PRKCB: variants seen among roughly 807,000 people sequenced by gnomAD.
PRKCB encodes the protein protein kinase C beta, also known as protein kinase C beta type.
In PRKCB, 13 loss-of-function variants were observed where a neutral mutation model predicts 81.5. The ratio of observed to expected loss-of-function variants is 0.16; its 90% confidence interval spans 0.10 to 0.25. The LOEUF is 0.25. Ranked by LOEUF, PRKCB falls within the 10% of genes least tolerant of loss-of-function variation. PRKCB has a pLI of 1.00. For missense variants in PRKCB, 509 were observed against 875.7 expected, an observed-to-expected ratio of 0.58 and a Z score of 5.29; for synonymous variants, 335 against 321.4, an observed-to-expected ratio of 1.04 and a Z score of -0.45.
At chr16:23,995,233 A>T (rs1256743460) in intron 3 of PRKCB, among the ~76,000 whole-genome samples, 2 of 152,134 alleles carry the variant, frequency 1.3e-5, no homozygotes, top group African/African-American at 2.4e-5. Flanking sequence ...TAAGTGTGTT[A>T]TGCTGGCCTA....
At chr16:23,944,478 A>G (rs997174664) in intron 2 of PRKCB, among the ~76,000 whole-genome samples, 2 of 152,144 alleles carry the variant, frequency 1.3e-5, no homozygotes, top group Non-Finnish European at 2.9e-5. Flanking sequence ...ATCAAAGTCA[A>G]ATGTTAGGGC....
chr16:23,940,779 G>T (rs1327794476), intron 2 of PRKCB, among the ~76,000 whole-genome samples: 1 of 152,008 alleles, frequency 6.6e-6, no homozygotes, highest in African/African-American at 2.4e-5. Flanking sequence ...CTATTACAAT[G>T]GTGTTCAGAC....
At chr16:24,211,364 T>C (rs1415567638) in intron 16 of PRKCB, among the ~76,000 whole-genome samples, 1 of 152,200 alleles carries the variant, frequency 6.6e-6, no homozygotes, top group African/African-American at 2.4e-5. Context: ...GGAGCCATGA[T>C]GCGTTGATCA....
chr16:23,976,269 C>T (rs1964623964), intron 2 of PRKCB, among the ~76,000 whole-genome samples: 1 of 152,090 alleles, frequency 6.6e-6, no homozygotes, highest in Admixed American at 6.5e-5. Flanking sequence ...TTGCACTCCA[C>T]CTTGGGTGAC....
intron 2 of PRKCB, among the ~76,000 whole-genome samples, chr16:23,950,011 C>G (rs1964255124): frequency 6.6e-6 from 1 of 152,186 alleles, no homozygotes; most frequent in Non-Finnish European, 1.5e-5. Context: ...CTCCTTCCCT[C>G]TCCTTGCATT....
intron 2 of PRKCB, among the ~76,000 whole-genome samples, chr16:23,853,898 G>T (rs993341327): frequency 6.7e-6 from 1 of 149,994 alleles, no homozygotes; most frequent in African/African-American, 2.4e-5. Flanking sequence ...AAAGGAAAGA[G>T]GTTTAATTGA....
intron 5 of PRKCB, among the ~76,000 whole-genome samples, chr16:24,045,471 C>T (rs1021239473): frequency 6.6e-6 from 1 of 152,204 alleles, no homozygotes; most frequent in East Asian, 1.9e-4. Flanking sequence ...CTTCTCTGTG[C>T]CTCTCGCCTG....
chr16:24,188,036 G>A (rs999000493), intron 15 of PRKCB, among the ~76,000 whole-genome samples: 18 of 152,328 alleles, frequency 1.2e-4, no homozygotes, highest in East Asian at 1.9e-4. Context: ...TCACACGCCC[G>A]CCCTGCCTGG....
intron 7 of PRKCB, among the ~76,000 whole-genome samples, chr16:24,108,975 C>CA (rs771566625): frequency 3.6e-5 from 3 of 83,746 alleles, no homozygotes; most frequent in African/African-American, 2.1e-4. Context: ...GCTGGCCGGG[C>CA]GGGGGACTGA....
At chr16:24,202,965 C>T (rs763216831) in intron 16 of PRKCB, among the ~76,000 whole-genome samples, 7 of 152,062 alleles carry the variant, frequency 4.6e-5, no homozygotes, top group Non-Finnish European at 7.4e-5. Context: ...GCCTGTAATT[C>T]CAGCACTTTG....
rs74247992 is a variant in PRKCB, at chr16:24,023,068, T to C, written c.289-9068T>C. 5.0e-4 allele frequency among the ~76,000 whole-genome samples: 76 copies of C among 152,164 alleles called. No individual in the cohort carries two copies. The East Asian group carries it at 0.015, about 29-fold the overall frequency. On this transcript the variant is annotated intron_variant, in intron 3 of 16. Coordinates refer to ENST00000643927, the MANE Select transcript of PRKCB (RefSeq NM_002738.7). Reference sequence around the variant, plus strand: ...GATTGAGGCAGAGATGGAAGCTGTGTCTTTTTTTTTGTTTTTGAGTCAGAG... The same window carrying C: ...GATTGAGGCAGAGATGGAAGCTGTGCCTTTTTTTTTGTTTTTGAGTCAGAG...
Position 23,836,366 on chromosome 16 carries a change from G to C in PRKCB, c.173+18G>C, listed in dbSNP as rs1962155991. The C allele has an allele frequency of 6.3e-7, 1 of 1,593,378 alleles. No individual in the cohort carries two copies. The highest frequency in any genetic ancestry group is 1.4e-5 in the African/African-American group (1 of 71,784). On this transcript the variant is annotated intron_variant, in intron 1 of 16. Coordinates refer to ENST00000643927, the MANE Select transcript of PRKCB (RefSeq NM_002738.7). ...TTCATCTGGTGAGCGCGCGCGCGCAGGGCACCTTCCCGGGCCCCCGAGGGC... is the reference window on the plus strand; with the variant it reads ...TTCATCTGGTGAGCGCGCGCGCGCACGGCACCTTCCCGGGCCCCCGAGGGC...
intron 5 of PRKCB, among the ~76,000 whole-genome samples, chr16:24,050,246 C>A (rs1965823852): frequency 6.6e-6 from 1 of 152,190 alleles, no homozygotes. Context: ...CCACAGCCCA[C>A]AACCTCAAAC....
intron 2 of PRKCB, among the ~76,000 whole-genome samples, chr16:23,962,273 T>A (rs532960082): frequency 7.8e-4 from 118 of 152,236 alleles, no homozygotes; most frequent in African/African-American, 2.8e-3. Context: ...ACCTCCCACC[T>A]GGTTTCGCTC....
chr16:24,203,858 G>A (rs1323301354), intron 16 of PRKCB, among the ~76,000 whole-genome samples: 1 of 152,084 alleles, frequency 6.6e-6, no homozygotes, highest in Admixed American at 6.6e-5. Context: ...TTCTTCCCAG[G>A]GTACACGTCT....
intron 3 of PRKCB, among the ~76,000 whole-genome samples, chr16:24,015,803 G>A (rs541243297): frequency 1.4e-4 from 21 of 152,252 alleles, no homozygotes; most frequent in African/African-American, 5.1e-4. Flanking sequence ...GGTACTCAAC[G>A]AATATTTGGT....
chr16:23,873,755 C>G (rs374800591), intron 2 of PRKCB, among the ~76,000 whole-genome samples: 3 of 152,214 alleles, frequency 2.0e-5, no homozygotes, highest in Non-Finnish European at 4.4e-5. Flanking sequence ...GAAAGTCTGC[C>G]AGGCATGAGC....
chr16:23,935,977 T>C (rs368078428), intron 2 of PRKCB, among the ~76,000 whole-genome samples: 11 of 152,330 alleles, frequency 7.2e-5, no homozygotes, highest in South Asian at 6.2e-4. Context: ...ATTATTCCCG[T>C]GTAACAAATC....
chr16:23,892,906 G>C (rs747219592), intron 2 of PRKCB: 3 of 151,788 alleles, frequency 2.0e-5, no homozygotes, highest in Non-Finnish European at 4.4e-5. Flanking sequence ...CATGTGATTG[G>C]AACTGGCTCA....
Sources: gnomAD v4.1 joint callset for allele counts (sites outside exome capture counted in the v4.1 genomes callset) on GRCh38, gnomAD v4.1.1 for gene constraint, MANE v1.5 for transcripts, NCBI Gene and HGNC (gene_info 2026-07-23, HGNC 2026-07-21) for gene names.